MACROD2: variants seen among roughly 807,000 people sequenced by gnomAD.
MACROD2 encodes ADP-ribose glycohydrolase MACROD2.
MACROD2 carries 36 observed loss-of-function variants against 70.4 expected under a neutral mutation model. That is an observed-to-expected ratio of 0.51 (90% confidence interval 0.39 to 0.68). MACROD2 has a LOEUF of 0.68. MACROD2 is among the 30% of genes least tolerant of loss of function. MACROD2 has a pLI of 0.00. For synonymous variants in MACROD2, 172 were observed against 178.8 expected (o/e 0.96, Z 0.30); for missense variants, 496 against 538.4 (o/e 0.92, Z 0.78).
chr20:15,402,469 G>A (rs1224504172), intron 6 of MACROD2, among the ~76,000 whole-genome samples: 1 of 152,180 alleles, frequency 6.6e-6, no homozygotes, highest in Non-Finnish European at 1.5e-5. Context: ...CTCTGGGAAT[G>A]TCTTAAATCT....
chr20:15,210,337 A>G (rs1189977861), intron 5 of MACROD2, among the ~76,000 whole-genome samples: 1 of 152,204 alleles, frequency 6.6e-6, no homozygotes, highest in African/African-American at 2.4e-5. Context: ...CAGTAGCACT[A>G]AAAACACCCC....
At chr20:14,843,204 CT>C (rs2073105265) in intron 5 of MACROD2, among the ~76,000 whole-genome samples, 1 of 120,414 alleles carries the variant, frequency 8.3e-6, no homozygotes, top group South Asian at 2.6e-4. Context: ...GATATAATGT[CT>C]AGGCTCTTTG....
chr20:15,542,728 T>G (rs183572026), intron 8 of MACROD2, among the ~76,000 whole-genome samples: 1 of 152,350 alleles, frequency 6.6e-6, no homozygotes, highest in Non-Finnish European at 1.5e-5. Context: ...TATTGTAAGC[T>G]TCATCAAACA....
intron 12 of MACROD2, among the ~76,000 whole-genome samples, chr20:15,966,515 G>A (rs2066141864): frequency 6.6e-6 from 1 of 152,146 alleles, no homozygotes; most frequent in Non-Finnish European, 1.5e-5. Flanking sequence ...TATGAGGCAG[G>A]AGGATCCTTT....
intron 5 of MACROD2, among the ~76,000 whole-genome samples, chr20:14,715,906 T>G (rs1285915188): frequency 6.6e-6 from 1 of 152,130 alleles, no homozygotes; most frequent in African/African-American, 2.4e-5. Context: ...AATTAACCAA[T>G]CAGGATGAAA....
At chr20:15,439,374 G>T (rs1246072448) in intron 7 of MACROD2, among the ~76,000 whole-genome samples, 1 of 152,106 alleles carries the variant, frequency 6.6e-6, no homozygotes, top group Non-Finnish European at 1.5e-5. Flanking sequence ...AATGGATTTT[G>T]TTATTTAATC....
intron 5 of MACROD2, among the ~76,000 whole-genome samples, chr20:14,915,677 G>A (rs1157023996): frequency 6.6e-6 from 1 of 152,188 alleles, no homozygotes; most frequent in East Asian, 1.9e-4. Flanking sequence ...CTGACAGCAA[G>A]CAGTCTGCAG....
intron 3 of MACROD2, among the ~76,000 whole-genome samples, chr20:14,101,403 TG>T (rs2054300864): frequency 6.6e-6 from 1 of 152,064 alleles, no homozygotes; most frequent in Non-Finnish European, 1.5e-5. Context: ...TGGGAAATTG[TG>T]GTCAAAGAGT....
At chr20:15,849,480 G>C (rs567321497) in intron 8 of MACROD2, among the ~76,000 whole-genome samples, 8 of 152,276 alleles carry the variant, frequency 5.3e-5, no homozygotes, top group South Asian at 2.1e-4. Flanking sequence ...CCGTTCCTTC[G>C]AGCATCGTGA....
chr20:15,837,042 T>C (rs766145613), intron 8 of MACROD2, among the ~76,000 whole-genome samples: 21 of 152,196 alleles, frequency 1.4e-4, no homozygotes, highest in Non-Finnish European at 2.5e-4. Context: ...AAATATGAGC[T>C]GTGTGCACCA....
chr20:15,161,678 A>C (rs1350382663), intron 5 of MACROD2, among the ~76,000 whole-genome samples: 4 of 152,018 alleles, frequency 2.6e-5, no homozygotes, highest in Non-Finnish European at 5.9e-5. Flanking sequence ...ACTAATTTAC[A>C]TTTTATTTTC....
intron 7 of MACROD2, among the ~76,000 whole-genome samples, chr20:15,494,279 T>TC (rs1266285948): frequency 6.6e-6 from 1 of 152,136 alleles, no homozygotes; most frequent in African/African-American, 2.4e-5. Flanking sequence ...TGGCAGAATC[T>TC]CCCAGAGTCA....
chr20:15,953,640 C>T (rs570882579), intron 12 of MACROD2, among the ~76,000 whole-genome samples: 26 of 152,110 alleles, frequency 1.7e-4, no homozygotes, highest in Non-Finnish European at 2.2e-4. Context: ...TTTGTAAAAA[C>T]GTTTCTGTTT....
At chr20:15,114,694 G>T (rs759009122) in intron 5 of MACROD2, among the ~76,000 whole-genome samples, 1 of 152,188 alleles carries the variant, frequency 6.6e-6, no homozygotes, top group Non-Finnish European at 1.5e-5. Flanking sequence ...GTGGTCATTT[G>T]TCACCTAGCA....
At chr20:15,781,242 G>T (rs139969339) in intron 8 of MACROD2, among the ~76,000 whole-genome samples, 315 of 152,222 alleles carry the variant, frequency 2.1e-3, no homozygotes, top group African/African-American at 7.1e-3. Flanking sequence ...GGAAAAGCAA[G>T]CATTTACCTT....
intron 6 of MACROD2, among the ~76,000 whole-genome samples, chr20:15,333,785 A>G (rs2078019101): frequency 6.6e-6 from 1 of 151,636 alleles, no homozygotes; most frequent in African/African-American, 2.4e-5. Flanking sequence ...TGCTGGATGA[A>G]GTATATTCTA....
At chr20:16,012,440 T>A (rs1331642710) in intron 15 of MACROD2, among the ~76,000 whole-genome samples, 1 of 152,200 alleles carries the variant, frequency 6.6e-6, no homozygotes. Context: ...CTGACATTTT[T>A]GGGAAGGGAA....
intron 5 of MACROD2, among the ~76,000 whole-genome samples, chr20:14,987,208 A>C (rs1047226077): frequency 6.6e-6 from 1 of 152,096 alleles, no homozygotes. Flanking sequence ...TTGAGTCACA[A>C]ATCTAACAAT....
chr20:14,380,018 A>C (rs942247671), intron 3 of MACROD2, among the ~76,000 whole-genome samples: 5 of 152,096 alleles, frequency 3.3e-5, no homozygotes, highest in African/African-American at 1.2e-4. Context: ...TTAAGGAACT[A>C]CTTTAAAAAC....
Sources: allele counts gnomAD v4.1 joint callset (sites outside exome capture counted in the v4.1 genomes callset), GRCh38; gene constraint gnomAD v4.1.1; transcripts MANE v1.5; gene names NCBI Gene and HGNC (gene_info 2026-07-23, HGNC 2026-07-21).